Variants in SLC25A42 observed in about 807,000 individuals in gnomAD.
The protein encoded by SLC25A42 is mitochondrial coenzyme A transporter SLC25A42.
A neutral mutation model predicts 34.7 loss-of-function variants in SLC25A42; 19 were observed. That is an observed-to-expected ratio of 0.55 (90% CI 0.38 to 0.80). SLC25A42 has a LOEUF of 0.80. SLC25A42 is among the 30% of genes least tolerant of loss of function. SLC25A42 has a pLI of 0.00. For missense variants in SLC25A42, 364 were observed against 441.3 expected (o/e 0.82, Z 1.57); for synonymous variants, 205 against 191.2 (o/e 1.07, Z -0.59).
intron 6 of SLC25A42, chr19:19,106,619 G>C (rs921899434): frequency 1.4e-5 from 5 of 353,396 alleles, no homozygotes; most frequent in African/African-American, 1.1e-4. Context: ...TTTTGAACTG[G>C]GCACAGATGC....
At chr19:19,099,588 C>T (rs942003933) in intron 2 of SLC25A42, among the ~76,000 whole-genome samples, 3 of 152,118 alleles carry the variant, frequency 2.0e-5, no homozygotes, top group Non-Finnish European at 2.9e-5. Context: ...GCTGAGCAAA[C>T]TCCAGAGGTG....
At position 19,081,138 on chromosome 19, in the gene SLC25A42, GAATA is replaced by G. The variant is rs1247386646; in HGVS notation, c.-34-14950_-34-14947del. The stretch of plus-strand genomic sequence containing the variant: ...AAAAATAAAAAAAAGAAGAAAGAAA[GAATA>G]AAGAAAAGAAAGGAGGGAGGAAGGG... On this transcript the variant is annotated intron_variant, in intron 1 of 7. Transcript: ENST00000318596. The surrounding 1 kb of genome is among the most constrained non-coding windows in gnomAD (Gnocchi z 4.5). Among the ~76,000 whole-genome samples, 1 of 151,578 alleles carries G rather than the reference GAATA, an allele frequency of 6.6e-6. No homozygotes were observed. Among genetic ancestry groups the G allele is most frequent in the African/African-American group, 2.4e-5 (1 of 41,242 alleles).
Position 19,109,749 on chromosome 19 carries a change from C to T in SLC25A42, c.650-820C>T, listed in dbSNP as rs2059852640. On this transcript the variant is annotated intron_variant, in intron 7 of 7. Transcript: ENST00000318596. This position sits in a 1 kb window ranked among gnomAD's most constrained non-coding sequence, Gnocchi z 4.1. ...CACCCAGCCTTGGCTGTTTTAAATT[C>T]CTAGTTCTAAATTTACTATTACAAA... Among the ~76,000 whole-genome samples the T allele has an allele frequency of 6.6e-6, 1 of 152,062 alleles. No homozygotes were observed. Among genetic ancestry groups the T allele is most frequent in the Admixed American group, 6.6e-5 (1 of 15,240 alleles).
intron 1 of SLC25A42, among the ~76,000 whole-genome samples, chr19:19,068,825 G>A (rs914750868): frequency 4.0e-5 from 6 of 150,580 alleles, no homozygotes; most frequent in African/African-American, 7.3e-5. Flanking sequence ...GTGACAGAGC[G>A]ACACTCAGTC....
chr19:19,090,982 A>C (rs1035182570), intron 1 of SLC25A42, among the ~76,000 whole-genome samples: 1 of 152,208 alleles, frequency 6.6e-6, no homozygotes, highest in Admixed American at 6.5e-5. Flanking sequence ...CCTGAGCTGC[A>C]GCAAACACGG....
At chr19:19,084,328 C>A (rs1400786803) in intron 1 of SLC25A42, among the ~76,000 whole-genome samples, 1 of 152,220 alleles carries the variant, frequency 6.6e-6, no homozygotes, top group African/African-American at 2.4e-5. Flanking sequence ...GCTTCTCCAG[C>A]CACCTGAGTC....
intron 1 of SLC25A42, among the ~76,000 whole-genome samples, chr19:19,069,889 G>A (rs1324343640): frequency 2.6e-5 from 4 of 151,504 alleles, no homozygotes; most frequent in African/African-American, 4.9e-5. Flanking sequence ...GCAGTGGTGC[G>A]ATCTTCGCTC....
chr19:19,097,319 A>G (rs2059770931), intron 2 of SLC25A42, among the ~76,000 whole-genome samples: 1 of 152,040 alleles, frequency 6.6e-6, no homozygotes, highest in African/African-American at 2.4e-5. Flanking sequence ...GGGCGGGAGG[A>G]CTCATTCACC....
chr19:19,097,460 C>T (rs930318305), intron 2 of SLC25A42, among the ~76,000 whole-genome samples: 1 of 152,234 alleles, frequency 6.6e-6, no homozygotes. Flanking sequence ...GGGTCTGCAA[C>T]GTGGATCCCA....
At chr19:19,108,077 G>A (rs369182508) in intron 7 of SLC25A42, 32 bp downstream of exon 7, 38 of 1,526,308 alleles carry the variant, frequency 2.5e-5, no homozygotes, top group East Asian at 4.7e-5. Flanking sequence ...AGGAGGGGAC[G>A]TTCAGGAAGC....
At chr19:19,066,241 G>A (rs1046863662) in intron 1 of SLC25A42, among the ~76,000 whole-genome samples, 4 of 152,112 alleles carry the variant, frequency 2.6e-5, no homozygotes, top group African/African-American at 9.7e-5. Context: ...CCTGTACCCC[G>A]TTCCTCCTCA....
At chr19:19,096,252 C>T in intron 2 of SLC25A42, 47 bp downstream of exon 2, 1 of 1,479,860 alleles carries the variant, frequency 6.8e-7, no homozygotes, top group Admixed American at 1.8e-5. Flanking sequence ...GGGGCCCCAG[C>T]CTCCCCACCC....
intron 1 of SLC25A42, among the ~76,000 whole-genome samples, chr19:19,066,458 T>C (rs925565192): frequency 7.3e-5 from 11 of 149,798 alleles, no homozygotes; most frequent in Admixed American, 2.0e-4. Context: ...TCTTTCTTTT[T>C]TTTTTTTTGA....
At chr19:19,070,739 T>G (rs1335062799) in intron 1 of SLC25A42, among the ~76,000 whole-genome samples, 2 of 152,176 alleles carry the variant, frequency 1.3e-5, no homozygotes, top group Non-Finnish European at 2.9e-5. Context: ...CAGGTGGACA[T>G]GAATTTGGGG....
At chr19:19,084,529 T>C (rs1478086867) in intron 1 of SLC25A42, among the ~76,000 whole-genome samples, 1 of 152,012 alleles carries the variant, frequency 6.6e-6, no homozygotes, top group African/African-American at 2.4e-5. Flanking sequence ...AAAAAATAAA[T>C]GGGGGAGGAG....
At chr19:19,084,543 C>G (rs534140027) in intron 1 of SLC25A42, among the ~76,000 whole-genome samples, 3 of 152,176 alleles carry the variant, frequency 2.0e-5, no homozygotes, top group Admixed American at 2.0e-4. Flanking sequence ...GGAGGAGAGA[C>G]AGCCGTCCCT....
intron 1 of SLC25A42, among the ~76,000 whole-genome samples, chr19:19,079,455 G>T (rs999555858): frequency 1.3e-5 from 2 of 152,016 alleles, no homozygotes; most frequent in Non-Finnish European, 2.9e-5. Flanking sequence ...CACCAATCTG[G>T]TTCCTGTCTC....
chr19:19,075,180 C>T (rs149438259), intron 1 of SLC25A42, among the ~76,000 whole-genome samples: 53 of 152,084 alleles, frequency 3.5e-4, no homozygotes, highest in African/African-American at 1.1e-3. Flanking sequence ...CTTGTCCTGC[C>T]CTCTCCCAAG....
At chr19:19,082,135 C>T (rs1263669109) in intron 1 of SLC25A42, among the ~76,000 whole-genome samples, 1 of 152,178 alleles carries the variant, frequency 6.6e-6, no homozygotes, top group Admixed American at 6.5e-5. Flanking sequence ...CCTTTTGCCG[C>T]CATAACCACC....
Sources: gnomAD v4.1 joint callset for allele counts (sites outside exome capture counted in the v4.1 genomes callset) on GRCh38, gnomAD v4.1.1 for gene constraint, Gnocchi (gnomAD v3.1) non-coding constraint, MANE v1.5 for transcripts, NCBI Gene and HGNC (gene_info 2026-07-23, HGNC 2026-07-21) for gene names.